The following ELSPBP1 variants were observed in gnomAD, a reference collection of about 807,000 sequenced individuals.
ELSPBP1 encodes the protein epididymal sperm-binding protein 1.
In ELSPBP1, 38 loss-of-function variants were observed where a neutral mutation model predicts 33.3. The ratio of observed to expected loss-of-function variants is 1.14; its 90% CI spans 0.88 to 1.50. ELSPBP1 has a LOEUF of 1.50. Among genes scored for constraint, ELSPBP1 ranks in the 40% most tolerant of loss-of-function variants. The pLI, the probability that ELSPBP1 is intolerant of heterozygous loss-of-function variation, is 0.00. For missense variants in ELSPBP1, 267 were observed against 263.5 expected (o/e 1.01, Z -0.09); for synonymous variants, 85 against 94.1 (o/e 0.90, Z 0.56).
At chr19:48,004,394 G>A (rs1178109287) in intron 1 of ELSPBP1, among the ~76,000 whole-genome samples, 1 of 152,056 alleles carries the variant, frequency 6.6e-6, no homozygotes, top group East Asian at 1.9e-4. Flanking sequence ...CTAAGCTTAA[G>A]CCATCCTCCT....
At chr19:48,010,626 G>A (rs942434144) in intron 2 of ELSPBP1, among the ~76,000 whole-genome samples, 9 of 152,312 alleles carry the variant, frequency 5.9e-5, no homozygotes, top group Non-Finnish European at 1.0e-4. Flanking sequence ...CCCAGACTGA[G>A]CCAAGTCTTC....
At position 47,999,387 on chromosome 19, in the gene ELSPBP1, C is replaced by CTTTTT. The variant is rs397937280; in HGVS notation, c.-18+4591_-18+4595dup. On this transcript the variant is annotated intron_variant, in intron 1 of 6. Coordinates refer to ENST00000339841, the MANE Select transcript of ELSPBP1 (RefSeq NM_022142.5). ...CCACCCCATACTGAAAGCCTCATTTCTTTTTTTTTTTTTTTTTTTGAGAAA... is the reference window on the plus strand; with the variant it reads ...CCACCCCATACTGAAAGCCTCATTTCTTTTTTTTTTTTTTTTTTTTTTTTGAGAAA... Among the ~76,000 whole-genome samples, 30 of 129,966 alleles carry CTTTTT rather than the reference C, an allele frequency of 2.3e-4. 6 individuals carry two copies. Among genetic ancestry groups the CTTTTT allele is most frequent in the East Asian group, 4.6e-4 (2 of 4,390 alleles). The allele number at this position is 129,966 out of a possible 152,430, so 85.3% of individuals were successfully genotyped here.
chr19:48,007,246 A>G (rs1387306732), intron 1 of ELSPBP1, among the ~76,000 whole-genome samples: 1 of 152,140 alleles, frequency 6.6e-6, no homozygotes, highest in African/African-American at 2.4e-5. Context: ...AGGCTCATAG[A>G]GGGGAAGGGG....
intron 4 of ELSPBP1, among the ~76,000 whole-genome samples, chr19:48,019,229 G>C (rs553168114): frequency 6.6e-6 from 1 of 152,256 alleles, no homozygotes; most frequent in Non-Finnish European, 1.5e-5. Flanking sequence ...TCTCGTCTAA[G>C]GTGGGTCTTT....
intron 1 of ELSPBP1, among the ~76,000 whole-genome samples, chr19:48,002,682 C>G (rs1384771146): frequency 6.6e-6 from 1 of 152,176 alleles, no homozygotes; most frequent in African/African-American, 2.4e-5. Context: ...ATCCCAGTGA[C>G]TCAGGAGGCC....
intron 1 of ELSPBP1, among the ~76,000 whole-genome samples, chr19:48,001,498 G>A (rs562247314): frequency 6.6e-6 from 1 of 151,856 alleles, no homozygotes; most frequent in South Asian, 2.1e-4. Context: ...GGTCCATCTG[G>A]GGAATCCCGG....
intron 1 of ELSPBP1, among the ~76,000 whole-genome samples, chr19:48,000,415 A>G (rs1432919452): frequency 6.6e-6 from 1 of 151,332 alleles, no homozygotes; most frequent in African/African-American, 2.4e-5. Context: ...TAATTTTTGT[A>G]TTTTTAGTAG....
chr19:48,021,570 G>C (rs545678890), intron 5 of ELSPBP1, among the ~76,000 whole-genome samples: 1 of 152,196 alleles, frequency 6.6e-6, no homozygotes, highest in South Asian at 2.1e-4. Context: ...CTCCCAAGTA[G>C]CTGGGATTAC....
chr19:48,013,969 G>T (rs866012378), intron 2 of ELSPBP1, among the ~76,000 whole-genome samples: 4 of 152,030 alleles, frequency 2.6e-5, no homozygotes, highest in Admixed American at 2.0e-4. Flanking sequence ...AGTCATGAAG[G>T]CTCTGCCCTT....
chr19:48,024,712 G>A (rs1297682770), intron 6 of ELSPBP1, among the ~76,000 whole-genome samples: 1 of 152,132 alleles, frequency 6.6e-6, no homozygotes, highest in African/African-American at 2.4e-5. Flanking sequence ...AGCAGAACTG[G>A]CACTTTGCAG....
At chr19:48,006,217 C>T (rs1967015779) in intron 1 of ELSPBP1, among the ~76,000 whole-genome samples, 1 of 152,120 alleles carries the variant, frequency 6.6e-6, no homozygotes, top group Admixed American at 6.5e-5. Flanking sequence ...ATCTTGGCCT[C>T]CCAAATCTGT....
At chr19:48,006,733 T>C (rs1967024347) in intron 1 of ELSPBP1, among the ~76,000 whole-genome samples, 2 of 150,920 alleles carry the variant, frequency 1.3e-5, no homozygotes, top group Admixed American at 1.3e-4. Context: ...GACTCATTCA[T>C]CCTGCATTGT....
At chr19:47,996,053 A>G (rs1363992435) in intron 1 of ELSPBP1, among the ~76,000 whole-genome samples, 1 of 152,200 alleles carries the variant, frequency 6.6e-6, no homozygotes, top group East Asian at 1.9e-4. Context: ...TCTTATCTAT[A>G]GCTGTTTGAA....
chr19:47,998,384 C>T (rs922154902), intron 1 of ELSPBP1, among the ~76,000 whole-genome samples: 2 of 151,692 alleles, frequency 1.3e-5, no homozygotes, highest in African/African-American at 4.8e-5. Context: ...ACACTCTAGC[C>T]TGAGTGACAG....
chr19:48,008,786 G>A, intron 2 of ELSPBP1, 49 bp downstream of exon 2: 1 of 1,522,144 alleles, frequency 6.6e-7, no homozygotes, highest in Non-Finnish European at 9.1e-7. Flanking sequence ...GGAGAAGAAT[G>A]AATGGGGCAA....
intron 3 of ELSPBP1, 86 bp from the exon 4 acceptor site, chr19:48,015,807 C>G (rs1967125087): frequency 7.6e-7 from 1 of 1,318,772 alleles, no homozygotes; most frequent in East Asian, 2.3e-5. Context: ...CTGTCCTGTC[C>G]TATGATGGTT....
intron 1 of ELSPBP1, among the ~76,000 whole-genome samples, chr19:48,000,028 G>A (rs111812022): frequency 0.024 from 3,641 of 151,496 alleles, 119 homozygotes; most frequent in Admixed American, 0.076. Flanking sequence ...GTCTCACTAC[G>A]TTGCACAAGC....
chr19:48,001,999 C>T (rs1372196075), intron 1 of ELSPBP1, among the ~76,000 whole-genome samples: 1 of 152,096 alleles, frequency 6.6e-6, no homozygotes, highest in East Asian at 1.9e-4. Flanking sequence ...GACTGGCCCG[C>T]AAAATCCACT....
At chr19:47,994,938 A>C (rs1966899892) in intron 1 of ELSPBP1, 127 bp downstream of exon 1, 1 of 152,246 alleles carries the variant, frequency 6.6e-6, no homozygotes, top group African/African-American at 2.4e-5. Flanking sequence ...AAATCATTGT[A>C]AGTTTTATAG....
Sources: allele counts gnomAD v4.1 joint callset (sites outside exome capture counted in the v4.1 genomes callset), GRCh38; gene constraint gnomAD v4.1.1; transcripts MANE v1.5; gene names NCBI Gene and HGNC (gene_info 2026-07-23, HGNC 2026-07-21).